Variants in LRRTM4 observed in about 807,000 individuals in gnomAD.
The protein encoded by LRRTM4 is leucine rich repeat transmembrane neuronal 4.
LRRTM4 carries 25 observed loss-of-function variants against 47.6 expected under a neutral mutation model. The observed-to-expected ratio is 0.53, with a 90% CI of 0.38 to 0.73. The LOEUF (loss-of-function observed/expected upper bound fraction) is 0.73. Among genes scored for constraint, LRRTM4 ranks in the 30% least tolerant of loss-of-function variants. The pLI, the probability that LRRTM4 is intolerant of heterozygous loss-of-function variation, is 0.00. For synonymous variants in LRRTM4, 311 were observed against 269.5 expected (o/e 1.15, Z -1.51); for missense variants, 638 against 713.4 (o/e 0.89, Z 1.20).
intron 3 of LRRTM4, among the ~76,000 whole-genome samples, chr2:77,221,116 G>A (rs1286650472): frequency 6.6e-6 from 1 of 152,160 alleles, no homozygotes; most frequent in Non-Finnish European, 1.5e-5. Flanking sequence ...AGCTTCATAA[G>A]TGAAGGAGAA....
At chr2:77,362,119 A>AGAG (rs1558707204) in intron 3 of LRRTM4, among the ~76,000 whole-genome samples, 38 of 101,888 alleles carry the variant, frequency 3.7e-4, no homozygotes, top group African/African-American at 1.1e-3. Context: ...GAAAGAGAGA[A>AGAG]AGAAAGAAAG....
intron 3 of LRRTM4, among the ~76,000 whole-genome samples, chr2:76,781,319 A>T (rs1473646588): frequency 4.7e-5 from 7 of 147,612 alleles, no homozygotes; most frequent in African/African-American, 7.6e-5. Context: ...TACCTAATCA[A>T]GCCTGTTCAA....
intron 3 of LRRTM4, among the ~76,000 whole-genome samples, chr2:77,362,166 AAAGAAAGG>A (rs1421669668): frequency 7.2e-5 from 8 of 110,376 alleles, no homozygotes; most frequent in South Asian, 5.6e-4. Flanking sequence ...AGAAAGAAAG[AAAGAAAGG>A]AAGGAAGGAA....
chr2:77,151,324 C>G (rs1327727905), intron 3 of LRRTM4, among the ~76,000 whole-genome samples: 1 of 152,096 alleles, frequency 6.6e-6, no homozygotes, highest in African/African-American at 2.4e-5. Flanking sequence ...ACTCCCCATT[C>G]CCCCACAATC....
intron 3 of LRRTM4, among the ~76,000 whole-genome samples, chr2:76,797,673 A>T (rs563791891): frequency 1.1e-3 from 173 of 151,656 alleles, no homozygotes; most frequent in African/African-American, 4.1e-3. Context: ...AGACTGGCAA[A>T]TTGGATAAAG....
intron 3 of LRRTM4, among the ~76,000 whole-genome samples, chr2:77,113,418 C>T (rs927710023): frequency 1.3e-5 from 2 of 152,114 alleles, no homozygotes; most frequent in Admixed American, 6.5e-5. Flanking sequence ...CGGCGCATAG[C>T]GACGCATTTG....
chr2:77,382,009 G>A (rs530711335), intron 3 of LRRTM4, among the ~76,000 whole-genome samples: 3 of 151,830 alleles, frequency 2.0e-5, no homozygotes, highest in Admixed American at 6.6e-5. Flanking sequence ...CATCTACATC[G>A]TTTCCATGTG....
intron 3 of LRRTM4, among the ~76,000 whole-genome samples, chr2:77,495,321 T>C (rs1678320036): frequency 6.6e-6 from 1 of 152,062 alleles, no homozygotes; most frequent in Non-Finnish European, 1.5e-5. Context: ...GTCATTTTTA[T>C]TTTAGCTATT....
In LRRTM4 at chr2:77,058,206, T is replaced by C. The variant is rs575825148; in HGVS notation, c.1552-309290A>G. The stretch of plus-strand genomic sequence containing the variant: ...GTTGCTCATATTTGATGTCATTTCA[T>C]AGGTCACAAATCAGAGGTCCTTAGT... On this transcript the variant is annotated intron_variant, in intron 3 of 3. Coordinates refer to ENST00000409884, the MANE Select transcript of LRRTM4 (RefSeq NM_001134745.3). Among the ~76,000 whole-genome samples the C allele has an allele frequency of 9.8e-5, 15 of 152,324 alleles. No homozygotes were observed. The East Asian group carries it at 2.7e-3, about 27-fold the overall frequency.
At chr2:76,980,482 T>G (rs1240516254) in intron 3 of LRRTM4, among the ~76,000 whole-genome samples, 1 of 152,140 alleles carries the variant, frequency 6.6e-6, no homozygotes, top group Non-Finnish European at 1.5e-5. Flanking sequence ...GGAATAGTCC[T>G]ACTACCTTAT....
At chr2:77,181,633 A>T (rs374082912) in intron 3 of LRRTM4, among the ~76,000 whole-genome samples, 82 of 152,334 alleles carry the variant, frequency 5.4e-4, no homozygotes, top group African/African-American at 1.7e-3. Context: ...GTGGTAATTT[A>T]AACACAAGCA....
At chr2:76,986,263 T>C (rs1289767817) in intron 3 of LRRTM4, among the ~76,000 whole-genome samples, 2 of 150,204 alleles carry the variant, frequency 1.3e-5, no homozygotes, top group Non-Finnish European at 2.9e-5. Flanking sequence ...AAAGCATTAT[T>C]ATCCTTTCTT....
At chr2:77,069,652 C>T (rs1216666480) in intron 3 of LRRTM4, among the ~76,000 whole-genome samples, 1 of 152,098 alleles carries the variant, frequency 6.6e-6, no homozygotes, top group Non-Finnish European at 1.5e-5. Flanking sequence ...CTATTTTCAA[C>T]TTTGCCTTAG....
intron 3 of LRRTM4, among the ~76,000 whole-genome samples, chr2:76,975,080 A>T (rs910929580): frequency 8.6e-5 from 13 of 151,716 alleles, no homozygotes; most frequent in African/African-American, 3.1e-4. Flanking sequence ...AAACCAACAA[A>T]AACAAACAAA....
At chr2:76,981,924 A>T (rs911815215) in intron 3 of LRRTM4, among the ~76,000 whole-genome samples, 3 of 152,002 alleles carry the variant, frequency 2.0e-5, no homozygotes, top group Non-Finnish European at 4.4e-5. Context: ...GAGGAGTCTC[A>T]GTTTCTGGAA....
At chr2:76,912,165 C>G (rs1033276225) in intron 3 of LRRTM4, among the ~76,000 whole-genome samples, 1 of 152,206 alleles carries the variant, frequency 6.6e-6, no homozygotes, top group Admixed American at 6.5e-5. Context: ...GTGATCCCCC[C>G]GCCTCGGCCT....
At chr2:77,352,748 A>G (rs2104299186) in intron 3 of LRRTM4, among the ~76,000 whole-genome samples, 1 of 152,222 alleles carries the variant, frequency 6.6e-6, no homozygotes, top group African/African-American at 2.4e-5. Context: ...AAGGAAGAAC[A>G]ATTTTTTTTT....
chr2:76,805,993 A>G (rs79681019), intron 3 of LRRTM4, among the ~76,000 whole-genome samples: 4,181 of 152,264 alleles, frequency 0.027, 194 homozygotes, highest in African/African-American at 0.082. Flanking sequence ...TTACAGTTCC[A>G]GGGGTTGGGA....
intron 3 of LRRTM4, among the ~76,000 whole-genome samples, chr2:77,495,420 G>A (rs578129186): frequency 1.3e-5 from 2 of 152,032 alleles, no homozygotes; most frequent in African/African-American, 4.8e-5. Context: ...TTATCGCTTT[G>A]TTGTTTTATG....
Sources: gnomAD v4.1 joint callset for allele counts (sites outside exome capture counted in the v4.1 genomes callset) on GRCh38, gnomAD v4.1.1 for gene constraint, MANE v1.5 for transcripts, NCBI Gene and HGNC (gene_info 2026-07-23, HGNC 2026-07-21) for gene names.